Variants in POLA1 observed in about 807,000 individuals in gnomAD.
POLA1 encodes the protein DNA polymerase alpha catalytic subunit.
POLA1 carries 15 observed loss-of-function variants against 124.0 expected under a neutral mutation model. The observed-to-expected ratio is 0.12, with a 90% confidence interval of 0.08 to 0.19. POLA1 has a LOEUF of 0.19. Ranked by LOEUF, POLA1 falls within the 10% of genes least tolerant of loss-of-function variation. The pLI is 1.00. For synonymous variants in POLA1, 408 were observed against 389.4 expected, an observed-to-expected ratio of 1.05 and a Z score of -0.56; for missense variants, 886 against 1,103.4, an observed-to-expected ratio of 0.80 and a Z score of 2.79.
chrX:24,747,638 G>T (rs182434637), intron 24 of POLA1, among the ~76,000 whole-genome samples: 103 of 109,382 alleles, frequency 9.4e-4, no homozygotes, highest in African/African-American at 3.3e-3. Context: ...AATCCTGGAG[G>T]TCTGTCTTAG....
At chrX:24,870,253 A>G (rs922228094) in intron 34 of POLA1, among the ~76,000 whole-genome samples, 1 of 112,036 alleles carries the variant, frequency 8.9e-6, no homozygotes, top group African/African-American at 3.2e-5. Flanking sequence ...TCATACTGGT[A>G]TGTAAAATGC....
In POLA1 at chrX:24,760,683, A is replaced by G. The variant is rs1932780373; in HGVS notation, c.2964+11691A>G. Among the ~76,000 whole-genome samples, 2 of 112,123 alleles carry G rather than the reference A, an allele frequency of 1.8e-5. 1 individual carries two copies. Among genetic ancestry groups the G allele is most frequent in the Admixed American group, 1.9e-4 (2 of 10,598 alleles). ...TAGTACCTTCTGTTTGTGTGTTATC[A>G]TTGCAGTGGGCAGCATGAGCCTGTG... On this transcript the variant is annotated intron_variant, in intron 26 of 36. Coordinates refer to ENST00000379068, the MANE Select transcript of POLA1 (RefSeq NM_001330360.2).
chrX:24,917,407 A>G (rs140038183), intron 35 of POLA1, among the ~76,000 whole-genome samples: 1,494 of 112,091 alleles, frequency 0.013, 14 homozygotes, highest in Middle Eastern at 0.028. Context: ...TGAATTACAC[A>G]TGCATGTGTG....
chrX:24,962,006 A>G (rs1475641384), intron 36 of POLA1, among the ~76,000 whole-genome samples: 1 of 112,049 alleles, frequency 8.9e-6, no homozygotes, highest in Admixed American at 9.5e-5. Context: ...TTTATTGATC[A>G]GTTCTGTGTC....
At chrX:24,940,244 A>G (rs1417810045) in intron 36 of POLA1, among the ~76,000 whole-genome samples, 1 of 111,986 alleles carries the variant, frequency 8.9e-6, no homozygotes, top group African/African-American at 3.2e-5. Context: ...CAGTGAAACA[A>G]TAGTCATGAC....
intron 26 of POLA1, among the ~76,000 whole-genome samples, chrX:24,804,237 A>G (rs2148487214): frequency 9.0e-6 from 1 of 111,384 alleles, no homozygotes; most frequent in South Asian, 3.8e-4. Context: ...GGAAAAAGAC[A>G]ATCTAATAGA....
At chrX:24,934,014 A>G (rs1483245814) in intron 36 of POLA1, among the ~76,000 whole-genome samples, 2 of 112,150 alleles carry the variant, frequency 1.8e-5, no homozygotes, top group African/African-American at 6.5e-5. Context: ...CACAGATGGC[A>G]TAATGGATTC....
rs1569322984 is a variant in POLA1 at position 24,814,962 on chromosome X, T to TG, written c.3297-17_3297-16insG. 1 of 1,064,890 alleles carries TG rather than the reference T, an allele frequency of 9.4e-7. No homozygotes were observed. The highest frequency in any genetic ancestry group is 1.2e-6 in the Non-Finnish European group (1 of 823,684). The allele number at this position is 1,064,890 out of a possible 1,213,427, so 87.8% of individuals were successfully genotyped here. The stretch of plus-strand genomic sequence containing the variant: ...TCAACTGCTGTCTTTGTTTTGTTTT[T>TG]TTTTTTTTTTTTGCAGCTTTGTGAT... On this transcript the variant is annotated splice_polypyrimidine_tract_variant and intron_variant, in intron 29 of 36. Transcript: ENST00000379068.
chrX:24,978,079 G>A (rs2048384863), intron 36 of POLA1, among the ~76,000 whole-genome samples: 1 of 111,752 alleles, frequency 8.9e-6, no homozygotes, highest in African/African-American at 3.3e-5. Flanking sequence ...AGTTTCTTTT[G>A]TCTTTTAAAA....
At chrX:24,696,748 G>C (rs988192495) in intron 1 of POLA1, among the ~76,000 whole-genome samples, 1 of 111,499 alleles carries the variant, frequency 9.0e-6, no homozygotes. Flanking sequence ...CTGGTTAACC[G>C]GTGTTCTCAT....
At chrX:24,703,170 T>A (rs1419858605) in intron 2 of POLA1, 81 bp from the exon 3 acceptor site, 1 of 695,268 alleles carries the variant, frequency 1.4e-6, no homozygotes, top group African/African-American at 2.1e-5. Context: ...CAGTTTCAAT[T>A]TGACAATTTT....
At position 24,749,916 on chromosome X, in the gene POLA1, C is replaced by A. The variant is rs1932231973; in HGVS notation, c.2964+924C>A. Among the ~76,000 whole-genome samples the A allele has an allele frequency of 2.7e-5, 3 of 111,838 alleles. No homozygotes were observed. In the South Asian group the frequency reaches 1.1e-3, roughly 42 times the overall value. ...AATAGTTACGCTGAATATTAAATTC[C>A]ATTTAACTCCCTGTCTGTGGGTTTA... On this transcript the variant is annotated intron_variant, in intron 26 of 36. Transcript: ENST00000379068.
At position 24,907,812 on chromosome X, in the gene POLA1, T is replaced by C. The variant is rs552451574; in HGVS notation, c.4164+19690T>C. ...AGAGCAACAAAAATGGGAAGTATAA[T>C]AGACTATTTTTCTCCTCTTGAGTTT... On this transcript the variant is annotated intron_variant, in intron 35 of 36. Coordinates refer to ENST00000379068, the MANE Select transcript of POLA1 (RefSeq NM_001330360.2). Among the ~76,000 whole-genome samples the C allele has an allele frequency of 2.7e-5, 3 of 112,205 alleles. No homozygotes were observed. The South Asian group carries it at 1.1e-3, about 41-fold the overall frequency.
chrX:24,729,830 A>T (rs1362975133), intron 15 of POLA1, among the ~76,000 whole-genome samples: 1 of 108,969 alleles, frequency 9.2e-6, no homozygotes, highest in Non-Finnish European at 1.9e-5. Context: ...TTTGAGACAG[A>T]GTCTTACTCT....
chrX:24,702,766 A>G (rs11573311), intron 2 of POLA1, among the ~76,000 whole-genome samples: 6,961 of 112,145 alleles, frequency 0.062, 524 homozygotes, highest in African/African-American at 0.22. Context: ...GGGATGGATG[A>G]GGGAGATTTT....
intron 34 of POLA1, among the ~76,000 whole-genome samples, chrX:24,866,771 G>C (rs2046799853): frequency 8.9e-6 from 1 of 112,081 alleles, no homozygotes. Context: ...AAACTCTTAT[G>C]TCGCATTAAC....
intron 32 of POLA1, among the ~76,000 whole-genome samples, chrX:24,839,118 T>C (rs1444306675): frequency 1.8e-5 from 2 of 112,335 alleles, no homozygotes; most frequent in Non-Finnish European, 3.8e-5. Flanking sequence ...AACTTATAAC[T>C]GCTCTCCCAA....
chrX:24,921,753 T>A (rs1027461038), intron 35 of POLA1, among the ~76,000 whole-genome samples: 1 of 111,991 alleles, frequency 8.9e-6, no homozygotes, highest in Non-Finnish European at 1.9e-5. Context: ...GTTTTCATCC[T>A]GATGTTACTC....
At chrX:24,732,609 T>TG (rs1271573663) in intron 16 of POLA1, among the ~76,000 whole-genome samples, 155 bp downstream of exon 16, 1 of 108,508 alleles carries the variant, frequency 9.2e-6, no homozygotes, top group Admixed American at 9.9e-5. Context: ...GTTTTTTTTT[T>TG]TTTTGCCATG....
Sources: allele counts gnomAD v4.1 joint callset (sites outside exome capture counted in the v4.1 genomes callset), GRCh38; gene constraint gnomAD v4.1.1; transcripts MANE v1.5; gene names NCBI Gene and HGNC (gene_info 2026-07-23, HGNC 2026-07-21).